The following KLHL29 variants were observed in gnomAD, a reference collection of about 807,000 sequenced individuals.
KLHL29 encodes the protein kelch like family member 29.
Under a neutral mutation model 80.4 loss-of-function variants are expected in KLHL29, and 21 were observed. The ratio of observed to expected loss-of-function variants is 0.26; its 90% CI spans 0.19 to 0.38. The LOEUF (loss-of-function observed/expected upper bound fraction) is 0.38, where lower values mean the gene tolerates loss of function less well. KLHL29 is among the 10% of genes least tolerant of loss of function. The pLI, the probability that KLHL29 is intolerant of heterozygous loss-of-function variation, is 1.00. For synonymous variants in KLHL29, 511 were observed against 526.8 expected (o/e 0.97, Z 0.41); for missense variants, 867 against 1,223.9 (o/e 0.71, Z 4.35).
intron 1 of KLHL29, among the ~76,000 whole-genome samples, chr2:23,469,419 C>A (rs1664436548): frequency 6.6e-6 from 1 of 152,184 alleles, no homozygotes; most frequent in Non-Finnish European, 1.5e-5. Context: ...CGTGTGGCAT[C>A]TAATGAGGGA....
At chr2:23,494,175 A>G (rs1313735042) in intron 2 of KLHL29, among the ~76,000 whole-genome samples, 2 of 152,256 alleles carry the variant, frequency 1.3e-5, no homozygotes, top group Non-Finnish European at 2.9e-5. Flanking sequence ...AACATAAGGT[A>G]ATAGAGATCA....
intron 5 of KLHL29, among the ~76,000 whole-genome samples, chr2:23,652,393 G>A (rs539241879): frequency 9.8e-4 from 149 of 152,322 alleles, no homozygotes; most frequent in African/African-American, 3.1e-3. Flanking sequence ...CTGTCTCTTC[G>A]TGTAACTTCC....
chr2:23,520,073 C>T (rs997627029), intron 2 of KLHL29, among the ~76,000 whole-genome samples: 15 of 152,336 alleles, frequency 9.8e-5, no homozygotes, highest in African/African-American at 2.9e-4. Flanking sequence ...TCACTGGTAT[C>T]ATCCACCCAG....
At chr2:23,489,704 C>T (rs1331314860) in intron 2 of KLHL29, among the ~76,000 whole-genome samples, 3 of 151,792 alleles carry the variant, frequency 2.0e-5, no homozygotes, top group Non-Finnish European at 4.4e-5. Context: ...TAGATGGCCC[C>T]GAGTGAATGT....
chr2:23,533,904 A>G (rs1325122693), intron 2 of KLHL29, among the ~76,000 whole-genome samples: 1 of 151,900 alleles, frequency 6.6e-6, no homozygotes, highest in Non-Finnish European at 1.5e-5. Flanking sequence ...CCTTTATTTT[A>G]AATACATGAG....
chr2:23,517,674 T>C (rs1665980829), intron 2 of KLHL29, among the ~76,000 whole-genome samples: 1 of 152,252 alleles, frequency 6.6e-6, no homozygotes, highest in Non-Finnish European at 1.5e-5. Context: ...TTTCTCCTAA[T>C]GGAATTCATG....
intron 2 of KLHL29, among the ~76,000 whole-genome samples, chr2:23,506,250 G>C (rs1045056210): frequency 6.6e-6 from 1 of 152,240 alleles, no homozygotes; most frequent in African/African-American, 2.4e-5. Context: ...CAGGTCATCC[G>C]CTAGACAACA....
chr2:23,635,866 G>A (rs1423739547), intron 3 of KLHL29, among the ~76,000 whole-genome samples: 1 of 152,248 alleles, frequency 6.6e-6, no homozygotes, highest in Non-Finnish European at 1.5e-5. Flanking sequence ...GATGATGGCA[G>A]TGGGAGGGCA....
intron 3 of KLHL29, among the ~76,000 whole-genome samples, chr2:23,574,497 G>C (rs1327552194): frequency 1.3e-5 from 2 of 152,140 alleles, no homozygotes; most frequent in Non-Finnish European, 1.5e-5. Flanking sequence ...TAAATGCCCT[G>C]GTTCGTGGAG....
At position 23,681,537 on chromosome 2, in the gene KLHL29, C is replaced by A. The variant is rs149935293; in HGVS notation, c.941-2862C>A. Among the ~76,000 whole-genome samples, 85 of 152,304 alleles carry A rather than the reference C, an allele frequency of 5.6e-4. No homozygotes were observed. The highest frequency in any genetic ancestry group is 7.6e-4 in the Non-Finnish European group (52 of 68,032). On this transcript the variant is annotated intron_variant, in intron 5 of 13. Transcript: ENST00000486442. This position sits in a 1 kb window ranked among gnomAD's most constrained non-coding sequence, Gnocchi z 4.2. ...AGGCATTTGTGTGCTGTTGTGTTTT[C>A]CAGGCCCCTAAGCACTGATTAACTC...
intron 1 of KLHL29, among the ~76,000 whole-genome samples, chr2:23,404,465 TA>T (rs962051038): frequency 5.3e-5 from 8 of 152,062 alleles, no homozygotes; most frequent in East Asian, 1.9e-4. Flanking sequence ...GTTTGAGATT[TA>T]AAAAAAAGAA....
At position 23,502,588 on chromosome 2, in the gene KLHL29, T is replaced by C. The variant is rs939298970; in HGVS notation, c.-46+26921T>C. Among the ~76,000 whole-genome samples, 8 of 152,362 alleles carry C rather than the reference T, an allele frequency of 5.3e-5. No homozygotes were observed. The East Asian group carries it at 1.5e-3, about 29-fold the overall frequency. On this transcript the variant is annotated intron_variant, in intron 2 of 13. Coordinates refer to ENST00000486442, the MANE Select transcript of KLHL29 (RefSeq NM_052920.2). ...TCTGACCCGCATGAAATAAAACTCC[T>C]GCAAATCTACCTATATGACCAATTC...
At chr2:23,516,473 T>TCTCTTC (rs142985111) in intron 2 of KLHL29, among the ~76,000 whole-genome samples, 103 of 152,116 alleles carry the variant, frequency 6.8e-4, no homozygotes, top group Non-Finnish European at 1.1e-3. Flanking sequence ...CGCACTCCTT[T>TCTCTTC]CTCTTCCTCT....
Position 23,639,255 on chromosome 2 carries a change from A to G in KLHL29, c.402A>G (p.Lys134=), listed in dbSNP as rs1466477328. The change falls in exon 4 of 14, where the codon AAA becomes AAG. Residue 134 remains lysine (K), a synonymous_variant. Transcript: ENST00000486442. ...GGGACACTGATGAGCCACCCTCCAAACAGATGAGAGAGAGTGACAATCCAG... is the reference window on the plus strand; with the variant it reads ...GGGACACTGATGAGCCACCCTCCAAGCAGATGAGAGAGAGTGACAATCCAG... ...TPWDTDEPPS[K]QMRESDNPGT... 4.5e-6 allele frequency: 7 copies of G among 1,548,178 alleles called. No individual in the cohort carries two copies. The highest frequency in any genetic ancestry group is 6.1e-6 in the Non-Finnish European group (7 of 1,145,526).
intron 2 of KLHL29, among the ~76,000 whole-genome samples, chr2:23,536,914 A>ACT (rs1175539908): frequency 1.5e-4 from 11 of 72,354 alleles, no homozygotes; most frequent in Non-Finnish European, 2.2e-4. Flanking sequence ...ACACACACAC[A>ACT]CACACTCTCT....
intron 1 of KLHL29, among the ~76,000 whole-genome samples, chr2:23,410,737 T>C (rs57886860): frequency 0.099 from 15,120 of 152,016 alleles, 1,110 homozygotes; most frequent in African/African-American, 0.21. Context: ...GAGGAGGGCA[T>C]TGCATTTCCT....
intron 2 of KLHL29, among the ~76,000 whole-genome samples, chr2:23,521,699 G>A (rs1338397100): frequency 1.3e-5 from 2 of 152,170 alleles, no homozygotes; most frequent in African/African-American, 2.4e-5. Context: ...CATTTCTTGG[G>A]AGGAAACAGA....
At chr2:23,510,665 G>A (rs1401794273) in intron 2 of KLHL29, among the ~76,000 whole-genome samples, 1 of 152,258 alleles carries the variant, frequency 6.6e-6, no homozygotes, top group Admixed American at 6.5e-5. Context: ...GGCCCAGAGA[G>A]CAGAGCTTAG....
intron 3 of KLHL29, among the ~76,000 whole-genome samples, chr2:23,586,856 G>A (rs1003338193): frequency 2.6e-5 from 4 of 152,150 alleles, no homozygotes; most frequent in Middle Eastern, 6.8e-3. Context: ...TTCCCCCCAC[G>A]GGCACTGCCA....
Sources: allele counts gnomAD v4.1 joint callset (sites outside exome capture counted in the v4.1 genomes callset), GRCh38; gene constraint gnomAD v4.1.1; non-coding constraint Gnocchi (gnomAD v3.1); transcripts MANE v1.5; gene names NCBI Gene and HGNC (gene_info 2026-07-23, HGNC 2026-07-21).